Variants in NRG4 observed in about 807,000 individuals in gnomAD.
NRG4 encodes neuregulin 4.
A neutral mutation model predicts 15.0 loss-of-function variants in NRG4; 10 were observed. The ratio of observed to expected loss-of-function variants is 0.67; its 90% confidence interval spans 0.41 to 1.13. The LOEUF (loss-of-function observed/expected upper bound fraction) is 1.13. Ranked by LOEUF, NRG4 falls within the 50% of genes most tolerant of loss-of-function variation. NRG4 has a pLI of 0.00. For synonymous variants in NRG4, 41 were observed against 50.1 expected (o/e 0.82, Z 0.77); for missense variants, 139 against 140.2 (o/e 0.99, Z 0.04).
intron 5 of NRG4, among the ~76,000 whole-genome samples, chr15:76,034,456 A>T (rs1053368779): frequency 2.5e-4 from 38 of 152,184 alleles, no homozygotes; most frequent in African/African-American, 7.5e-4. Context: ...CTTTGGCGAC[A>T]TCTAAGGTAG....
chr15:75,943,754 C>A, intron 5 of NRG4, 100 bp from the exon 6 acceptor site: 1 of 760,210 alleles, frequency 1.3e-6, no homozygotes, highest in Non-Finnish European at 2.2e-6. Flanking sequence ...CATATATAAG[C>A]CAACCCCTTC....
At chr15:75,958,301 C>T (rs1413227864) in intron 4 of NRG4, among the ~76,000 whole-genome samples, 1 of 152,172 alleles carries the variant, frequency 6.6e-6, no homozygotes, top group African/African-American at 2.4e-5. Flanking sequence ...CATCAGCCAC[C>T]GTGCCCGGCC....
In NRG4 at chr15:75,942,499, T is replaced by G. The variant is rs2031100463; in HGVS notation, c.*1139A>C. 2 of 152,162 alleles carry G rather than the reference T, an allele frequency of 1.3e-5. No homozygotes were observed. Among genetic ancestry groups the G allele is most frequent in the Non-Finnish European group, 1.5e-5 (1 of 68,026 alleles). The allele number at this position is 152,162 out of a possible 1,614,324, so 9.4% of individuals were successfully genotyped here. ...TGAAAATCTAAAACTTCTAATAAAG[T>G]CTATTAAAATTATGTGAGAGCTTTT... On this transcript the variant is annotated 3_prime_UTR_variant, in exon 6 of 6. Transcript: ENST00000394907.
intron 3 of NRG4, among the ~76,000 whole-genome samples, chr15:75,984,210 T>C (rs554337427): frequency 6.6e-6 from 1 of 152,310 alleles, no homozygotes; most frequent in South Asian, 2.1e-4. Flanking sequence ...GATGTGTTGA[T>C]GCAGGTTCCT....
chr15:76,014,619 G>T (rs552691275), upstream of NRG4, among the ~76,000 whole-genome samples: 5 of 152,262 alleles, frequency 3.3e-5, no homozygotes, highest in South Asian at 6.2e-4. Flanking sequence ...CCCATTGCTT[G>T]TTTTTGTCAG....
At chr15:75,946,368 G>T (rs935076617) in intron 5 of NRG4, among the ~76,000 whole-genome samples, 1 of 151,976 alleles carries the variant, frequency 6.6e-6, no homozygotes, top group Non-Finnish European at 1.5e-5. Context: ...GTTTGATTTT[G>T]TTTTTTTGAG....
rs570981151 is a variant in NRG4, at chr15:75,950,572, G to A, written c.331+5360C>T. The A allele has an allele frequency of 1.8e-4, 44 of 245,344 alleles. No individual in the cohort carries two copies. In the Middle Eastern group the frequency reaches 2.6e-3, roughly 15 times the overall value. 15.2% of individuals were successfully genotyped at this position (245,344 alleles called of 1,614,324 possible). A position where few individuals can be genotyped will look rare whatever the true frequency, so the allele number is the denominator to read the frequency against. On this transcript the variant is annotated intron_variant, in intron 5 of 5. Transcript: ENST00000394907. ...CTGGTACAAAGACTCAATTACCTCC[G>A]TTGTTTCCAGCATCCTCCAAGAACT...
chr15:75,940,333 TA>T (rs1289700383), downstream of NRG4: 1 of 151,036 alleles, frequency 6.6e-6, no homozygotes, highest in East Asian at 1.9e-4. Flanking sequence ...ATTGCTTCAA[TA>T]AAGATAAAAA....
chr15:75,943,392 A>T lies in NRG4; in HGVS notation c.*246T>A. 2.1e-6 allele frequency: 1 copy of T among 467,308 alleles called. No individual in the cohort carries two copies. The highest frequency in any genetic ancestry group is 3.8e-6 in the Non-Finnish European group (1 of 265,320). 28.9% of individuals were successfully genotyped at this position (467,308 alleles called of 1,614,324 possible). ...GCACATCAGCTTTCTGGGGAGAGTC[A>T]TGTTGAACCAATGTGACTTCGAATT... is the stretch of plus-strand genomic sequence containing the variant. On this transcript the variant is annotated 3_prime_UTR_variant, in exon 6 of 6. Transcript: ENST00000394907.
chr15:76,003,346 T>C (rs1157822156), intron 3 of NRG4, among the ~76,000 whole-genome samples: 1 of 152,108 alleles, frequency 6.6e-6, no homozygotes, highest in Non-Finnish European at 1.5e-5. Flanking sequence ...TTTAAAACGT[T>C]ATGTTAAAAT....
chr15:75,939,935 TG>T (rs2141743235), downstream of NRG4: 1 of 152,100 alleles, frequency 6.6e-6, no homozygotes, highest in East Asian at 1.9e-4. Flanking sequence ...TACTTAGTGG[TG>T]AAAGCTTTTC....
chr15:76,023,598 A>G (rs1007201066), intron 5 of NRG4, among the ~76,000 whole-genome samples: 36 of 152,128 alleles, frequency 2.4e-4, no homozygotes, highest in African/African-American at 8.2e-4. Context: ...CTATCCTGTG[A>G]GCCACACTGC....
At chr15:75,971,012 T>C (rs1467693229) in intron 3 of NRG4, among the ~76,000 whole-genome samples, 1 of 152,258 alleles carries the variant, frequency 6.6e-6, no homozygotes, top group African/African-American at 2.4e-5. Context: ...TACCTGTGAT[T>C]TTCATTGTCT....
At chr15:76,044,541 G>T (rs1215941727) in intron 4 of NRG4, among the ~76,000 whole-genome samples, 1 of 150,306 alleles carries the variant, frequency 6.7e-6, no homozygotes, top group Non-Finnish European at 1.5e-5. Context: ...AGTGGGCAAA[G>T]ATTTCTTGAG....
intron 3 of NRG4, chr15:75,971,329 T>C (rs1267317618): frequency 5.1e-6 from 2 of 389,292 alleles, no homozygotes; most frequent in African/African-American, 2.1e-5. Context: ...TCTATCCCTA[T>C]TGGGTGAGAT....
chr15:75,978,819 G>A (rs886439637), intron 3 of NRG4, among the ~76,000 whole-genome samples: 2 of 151,804 alleles, frequency 1.3e-5, no homozygotes, highest in African/African-American at 4.8e-5. Flanking sequence ...TCATCTGTTG[G>A]CCATTTATAT....
At chr15:75,947,199 A>G (rs561639778) in intron 5 of NRG4, among the ~76,000 whole-genome samples, 1 of 152,354 alleles carries the variant, frequency 6.6e-6, no homozygotes, top group South Asian at 2.1e-4. Context: ...ATTGCTCATT[A>G]TAATTGTAAA....
intron 3 of NRG4, among the ~76,000 whole-genome samples, chr15:75,994,741 C>A (rs1311448586): frequency 2.0e-5 from 3 of 152,270 alleles, no homozygotes; most frequent in African/African-American, 7.2e-5. Flanking sequence ...ATATTAGCCA[C>A]AAGGATCATA....
intron 2 of NRG4, among the ~76,000 whole-genome samples, chr15:76,053,857 T>C (rs2036084694): frequency 6.6e-6 from 1 of 151,140 alleles, no homozygotes; most frequent in Non-Finnish European, 1.5e-5. Flanking sequence ...TAAAATAGCT[T>C]AATTATACCA....
Sources: gnomAD v4.1 joint callset for allele counts (sites outside exome capture counted in the v4.1 genomes callset) on GRCh38, gnomAD v4.1.1 for gene constraint, MANE v1.5 for transcripts, NCBI Gene and HGNC (gene_info 2026-07-23, HGNC 2026-07-21) for gene names.